Variants in RAD54B observed in about 807,000 individuals in gnomAD.
RAD54B encodes the protein DNA repair and recombination protein RAD54B.
A neutral mutation model predicts 95.8 loss-of-function variants in RAD54B; 78 were observed. That is an observed-to-expected ratio of 0.81 (90% CI 0.68 to 0.98). The LOEUF is 0.98. Ranked by LOEUF, RAD54B falls within the 50% of genes least tolerant of loss-of-function variation. The pLI is 0.00. For missense variants in RAD54B, 957 were observed against 1,056.6 expected (o/e 0.91, Z 1.31); for synonymous variants, 328 against 354.9 (o/e 0.92, Z 0.85).
At chr8:94,377,810 A>G (rs1297464670) in intron 14 of RAD54B, among the ~76,000 whole-genome samples, 1 of 136,716 alleles carries the variant, frequency 7.3e-6, no homozygotes, top group Non-Finnish European at 1.6e-5. Flanking sequence ...CCCCGTCTCT[A>G]CTAAAAATAC....
intron 1 of RAD54B, among the ~76,000 whole-genome samples, chr8:94,472,413 G>A (rs936470346): frequency 6.6e-6 from 1 of 152,150 alleles, no homozygotes; most frequent in African/African-American, 2.4e-5. Context: ...TTACTTAATG[G>A]TCAAATGAAA....
chr8:94,382,647 C>T (rs1454127828), intron 11 of RAD54B, among the ~76,000 whole-genome samples: 1 of 152,152 alleles, frequency 6.6e-6, no homozygotes, highest in East Asian at 1.9e-4. Flanking sequence ...AATCTCATCT[C>T]GAATTACAAT....
chr8:94,461,153 T>C (rs1249750263), intron 2 of RAD54B, among the ~76,000 whole-genome samples: 1 of 139,868 alleles, frequency 7.1e-6, no homozygotes, highest in Non-Finnish European at 1.5e-5. Context: ...TTATTATAAA[T>C]ACTCATCTTT....
chr8:94,382,531 G>A (rs974787379), intron 11 of RAD54B, among the ~76,000 whole-genome samples: 1 of 152,192 alleles, frequency 6.6e-6, no homozygotes, highest in Non-Finnish European at 1.5e-5. Flanking sequence ...ACTACTGTGA[G>A]ATGTGCTCCA....
intron 3 of RAD54B, chr8:94,431,946 T>C (rs1812107013): frequency 1.6e-6 from 2 of 1,281,618 alleles, no homozygotes; most frequent in African/African-American, 3.1e-5. Context: ...ACTATAACCA[T>C]GCCAACCAAC....
intron 1 of RAD54B, among the ~76,000 whole-genome samples, chr8:94,471,777 A>G (rs1319989860): frequency 3.9e-5 from 6 of 152,072 alleles, no homozygotes; most frequent in Non-Finnish European, 8.8e-5. Flanking sequence ...AGGGAAAAGT[A>G]TCATTAATTA....
At chr8:94,436,401 G>A in intron 3 of RAD54B, 2 of 1,366,278 alleles carry the variant, frequency 1.5e-6, no homozygotes, top group East Asian at 2.6e-5. Context: ...CCGTTGTGGG[G>A]ATGCTTACTA....
intron 10 of RAD54B, among the ~76,000 whole-genome samples, chr8:94,388,636 A>G (rs1412825443): frequency 1.3e-5 from 2 of 152,234 alleles, no homozygotes; most frequent in Non-Finnish European, 2.9e-5. Context: ...GAAACACTTT[A>G]AGGGCAGTGA....
intron 10 of RAD54B, among the ~76,000 whole-genome samples, chr8:94,389,544 G>A (rs1414746984): frequency 3.9e-5 from 6 of 152,056 alleles, no homozygotes; most frequent in South Asian, 2.1e-4. Flanking sequence ...CAAGCTAATC[G>A]CGACACTATC....
chr8:94,436,908 A>G (rs1301786307), intron 3 of RAD54B: 1 of 1,485,950 alleles, frequency 6.7e-7, no homozygotes, highest in Non-Finnish European at 8.9e-7. Context: ...TGAAACCACC[A>G]TGCAGCCTTC....
chr8:94,383,468 G>A (rs1161254917), intron 11 of RAD54B, among the ~76,000 whole-genome samples: 3 of 152,152 alleles, frequency 2.0e-5, no homozygotes, highest in African/African-American at 7.2e-5. Context: ...GTTACCTGCG[G>A]TCAACCTCGG....
intron 3 of RAD54B, among the ~76,000 whole-genome samples, chr8:94,436,100 A>G (rs1812251166): frequency 6.6e-6 from 1 of 152,146 alleles, no homozygotes. Context: ...TGCTAACTTT[A>G]TATAAATTTT....
chr8:94,387,112 T>G lies in RAD54B; in HGVS notation c.1857A>C (p.Leu619=). Reference sequence around the variant, plus strand: ...GAAACACACTTAGCAAGCCTTTGTATAGACTCTTTTCTTCATTTTTATCAC... The same window carrying G: ...GAAACACACTTAGCAAGCCTTTGTAGAGACTCTTTTCTTCATTTTTATCAC... ...STCDKNEEKS[L]YKGLLSVFPA... Residue 619 remains leucine (L), a synonymous_variant, in exon 11 of 15, where the codon CTA becomes CTC. Transcript: ENST00000336148. 2 of 1,608,080 alleles carry G rather than the reference T, an allele frequency of 1.2e-6. No individual in the cohort carries two copies. Among genetic ancestry groups the G allele is most frequent in the Non-Finnish European group, 1.7e-6 (2 of 1,177,864 alleles).
intron 2 of RAD54B, among the ~76,000 whole-genome samples, chr8:94,460,838 C>T (rs1812883224): frequency 6.6e-6 from 1 of 152,018 alleles, no homozygotes; most frequent in Non-Finnish European, 1.5e-5. Context: ...AACTATGTTA[C>T]ATCTCTCTGA....
At chr8:94,456,564 G>GT (rs1812784568) in intron 3 of RAD54B, among the ~76,000 whole-genome samples, 1 of 152,130 alleles carries the variant, frequency 6.6e-6, no homozygotes, top group Admixed American at 6.5e-5. Flanking sequence ...GAGGCAAAAT[G>GT]TTAGTAACTG....
intron 3 of RAD54B, among the ~76,000 whole-genome samples, chr8:94,437,939 A>G (rs577223249): frequency 1.6e-4 from 24 of 152,364 alleles, no homozygotes; most frequent in African/African-American, 5.8e-4. Flanking sequence ...CACAATATAC[A>G]TATTTTTCCA....
intron 10 of RAD54B, 41 bp downstream of exon 10, chr8:94,391,568 C>T: frequency 6.3e-7 from 1 of 1,575,250 alleles, no homozygotes; most frequent in Non-Finnish European, 8.6e-7. Context: ...TACTATAGAA[C>T]CCTCATATCC....
At chr8:94,379,993 A>T in intron 12 of RAD54B, 152 bp downstream of exon 12, 1 of 790,588 alleles carries the variant, frequency 1.3e-6, no homozygotes, top group Non-Finnish European at 1.9e-6. Flanking sequence ...TAGGAGGATT[A>T]AACAGATGGA....
At chr8:94,422,587 CAAAAAAAAAAAAAAAAA>C (rs60701725) in intron 3 of RAD54B, among the ~76,000 whole-genome samples, 1 of 14,296 alleles carries the variant, frequency 7.0e-5, no homozygotes, top group Non-Finnish European at 1.6e-4. Context: ...GACTTCGTCT[CAAAAAAAAAAAAAAAAA>C]AAAAAAAAAA....
Sources: gnomAD v4.1 joint callset for allele counts (sites outside exome capture counted in the v4.1 genomes callset) on GRCh38, gnomAD v4.1.1 for gene constraint, MANE v1.5 for transcripts, NCBI Gene and HGNC (gene_info 2026-07-23, HGNC 2026-07-21) for gene names.